Variants in BTBD9 observed in about 807,000 individuals in gnomAD.
BTBD9 encodes the protein BTB domain containing 9, also known as BTB/POZ domain-containing protein 9.
In BTBD9, 49 loss-of-function variants were observed where a neutral mutation model predicts 64.3. That is an observed-to-expected ratio of 0.76 (90% confidence interval 0.61 to 0.97). BTBD9 has a LOEUF of 0.97. Among genes scored for constraint, BTBD9 ranks in the 50% least tolerant of loss-of-function variants. The pLI is 0.00. For missense variants in BTBD9, 598 were observed against 762.1 expected (o/e 0.78, Z 2.53); for synonymous variants, 260 against 274.7 (o/e 0.95, Z 0.53).
chr6:38,598,036 T>C lies in BTBD9; in HGVS notation c.59A>G (p.His20Arg). 1.2e-6 allele frequency: 2 copies of C among 1,613,982 alleles called. No individual in the cohort carries two copies. The highest frequency in any genetic ancestry group is 1.7e-6 in the Non-Finnish European group (2 of 1,179,882). The change falls in exon 2 of 11, where the codon CAC becomes CGC. Residue 20 changes from histidine (H) to arginine (R), a missense_variant. By Grantham distance (29) the His-to-Arg change is conservative (BLOSUM62 0). Transcript: ENST00000481247. ...GGCACCAATATGTTCAGACAAAATG[T>C]GCACATGATCAATTTCCCCCACTGC... ...FTAVGEIDHV[H>R]ILSEHIGALL...
At chr6:38,343,801 T>G (rs1016029492) in intron 7 of BTBD9, among the ~76,000 whole-genome samples, 3 of 152,234 alleles carry the variant, frequency 2.0e-5, no homozygotes, top group African/African-American at 7.2e-5. Flanking sequence ...AATTTTCCAC[T>G]CCTGCTACTT....
At chr6:38,603,684 G>C (rs1250527348) in intron 1 of BTBD9, among the ~76,000 whole-genome samples, 1 of 152,208 alleles carries the variant, frequency 6.6e-6, no homozygotes, top group African/African-American at 2.4e-5. Context: ...AGACGCCAAA[G>C]AGTCCTTGAA....
intron 2 of BTBD9, among the ~76,000 whole-genome samples, chr6:38,597,414 C>T (rs1777081636): frequency 6.6e-6 from 1 of 152,108 alleles, no homozygotes; most frequent in South Asian, 2.1e-4. Context: ...TAAAGATCAG[C>T]TTAAGATTTA....
At chr6:38,406,789 A>G (rs527648207) in intron 6 of BTBD9, among the ~76,000 whole-genome samples, 2 of 152,188 alleles carry the variant, frequency 1.3e-5, no homozygotes, top group South Asian at 2.1e-4. Flanking sequence ...TGCAGTGCCT[A>G]TTCACAGACA....
intron 9 of BTBD9, among the ~76,000 whole-genome samples, chr6:38,198,397 C>T (rs1262485448): frequency 6.6e-6 from 1 of 152,138 alleles, no homozygotes; most frequent in Non-Finnish European, 1.5e-5. Flanking sequence ...CGGTCGCCAT[C>T]AGCAAGGGAG....
chr6:38,541,654 C>T (rs1033874784), intron 6 of BTBD9, among the ~76,000 whole-genome samples: 2 of 152,188 alleles, frequency 1.3e-5, no homozygotes. Context: ...AGGAGAATCA[C>T]TTGAACCCAG....
intron 7 of BTBD9, among the ~76,000 whole-genome samples, chr6:38,298,963 G>A (rs1262815526): frequency 1.3e-5 from 2 of 151,128 alleles, no homozygotes; most frequent in South Asian, 2.1e-4. Context: ...CCATTAACTC[G>A]TCATTTAGCA....
intron 4 of BTBD9, among the ~76,000 whole-genome samples, chr6:38,583,155 G>C (rs1341439371): frequency 2.0e-5 from 3 of 152,194 alleles, no homozygotes; most frequent in Non-Finnish European, 4.4e-5. Context: ...AAAGTCTGTT[G>C]CTGCTGATCC....
At chr6:38,333,815 G>A (rs767351609) in intron 7 of BTBD9, among the ~76,000 whole-genome samples, 27 of 152,304 alleles carry the variant, frequency 1.8e-4, no homozygotes, top group Admixed American at 3.9e-4. Flanking sequence ...CACAGGAAAC[G>A]TGTACCAGAG....
chr6:38,634,434 T>A (rs1004119014), intron 1 of BTBD9, among the ~76,000 whole-genome samples: 1 of 152,192 alleles, frequency 6.6e-6, no homozygotes, highest in African/African-American at 2.4e-5. Context: ...ATTTCACCCA[T>A]CTTATCTGTA....
intron 6 of BTBD9, among the ~76,000 whole-genome samples, chr6:38,505,175 G>A (rs1772409461): frequency 6.6e-6 from 1 of 152,084 alleles, no homozygotes; most frequent in African/African-American, 2.4e-5. Context: ...TCAGGGCTTA[G>A]TCCTGTATCC....
At chr6:38,258,906 A>G (rs1764702211) in intron 8 of BTBD9, among the ~76,000 whole-genome samples, 1 of 152,186 alleles carries the variant, frequency 6.6e-6, no homozygotes, top group African/African-American at 2.4e-5. Context: ...ACAAAAAACA[A>G]AAAACAATCA....
intron 6 of BTBD9, among the ~76,000 whole-genome samples, chr6:38,535,395 T>C (rs1773981085): frequency 6.6e-6 from 1 of 152,082 alleles, no homozygotes; most frequent in Admixed American, 6.6e-5. Flanking sequence ...GTTCATGGAC[T>C]AGAAGAATCA....
intron 6 of BTBD9, among the ~76,000 whole-genome samples, chr6:38,533,986 G>A (rs951159015): frequency 6.6e-6 from 1 of 151,716 alleles, no homozygotes; most frequent in Non-Finnish European, 1.5e-5. Context: ...TTAAAAAAGA[G>A]CAAATCAAAC....
chr6:38,303,874 T>TATATATATATATATATATACAC (rs368257334), intron 7 of BTBD9, among the ~76,000 whole-genome samples: 2 of 82,646 alleles, frequency 2.4e-5, no homozygotes, highest in Non-Finnish European at 4.7e-5. Flanking sequence ...TATATATATA[T>TATATATATATATATATATACAC]ACACACACAC....
At chr6:38,512,616 T>C (rs1487326633) in intron 6 of BTBD9, among the ~76,000 whole-genome samples, 2 of 152,154 alleles carry the variant, frequency 1.3e-5, no homozygotes, top group African/African-American at 2.4e-5. Flanking sequence ...AGGTAAACCA[T>C]TTTGCCCACC....
At chr6:38,189,173 C>CA (rs1761944774) in intron 10 of BTBD9, among the ~76,000 whole-genome samples, 1 of 152,138 alleles carries the variant, frequency 6.6e-6, no homozygotes. Context: ...GGTGGTGCTG[C>CA]ACTCTCATCT....
intron 9 of BTBD9, among the ~76,000 whole-genome samples, chr6:38,248,389 C>T (rs138465704): frequency 1.4e-3 from 216 of 152,250 alleles, no homozygotes; most frequent in African/African-American, 4.1e-3. Flanking sequence ...TTTATCTAAT[C>T]GTTTGTATTT....
chr6:38,174,699 C>T lies in BTBD9; in HGVS notation c.*286G>A. ...TATGACTTCCTCCTGTTCCCTGCGC[C>T]TGGGCTAGATTAGAGAGGTAGGGTG... is the stretch of plus-strand genomic sequence containing the variant. On this transcript the variant is annotated 3_prime_UTR_variant, in exon 11 of 11. Transcript: ENST00000481247. The T allele has an allele frequency of 2.3e-6, 1 of 438,084 alleles. No homozygotes were observed. The highest frequency in any genetic ancestry group is 4.1e-6 in the Non-Finnish European group (1 of 245,868). 27.1% of individuals were successfully genotyped at this position (438,084 alleles called of 1,614,324 possible).
Sources: allele counts gnomAD v4.1 joint callset (sites outside exome capture counted in the v4.1 genomes callset), GRCh38; gene constraint gnomAD v4.1.1; transcripts MANE v1.5; gene names NCBI Gene and HGNC (gene_info 2026-07-23, HGNC 2026-07-21).